Variants in TWF1 observed in about 807,000 individuals in gnomAD.
TWF1 encodes twinfilin-1.
Under a neutral mutation model 47.9 loss-of-function variants are expected in TWF1, and 14 were observed. The ratio of observed to expected loss-of-function variants is 0.29; its 90% CI spans 0.19 to 0.46. The LOEUF (loss-of-function observed/expected upper bound fraction) is 0.46, where lower values mean the gene tolerates loss of function less well. Ranked by LOEUF, TWF1 falls within the 20% of genes least tolerant of loss-of-function variation. TWF1 has a pLI of 1.00. For missense variants in TWF1, 281 were observed against 409.3 expected, an observed-to-expected ratio of 0.69 and a Z score of 2.70; for synonymous variants, 96 against 139.2, an observed-to-expected ratio of 0.69 and a Z score of 2.18.
Position 43,802,273 on chromosome 12 carries a change from A to G in TWF1, c.282+13T>C. The G allele has an allele frequency of 6.7e-7, 1 of 1,498,496 alleles. No individual in the cohort carries two copies. Among genetic ancestry groups the G allele is most frequent in the Non-Finnish European group, 8.9e-7 (1 of 1,126,924 alleles). The allele number at this position is 1,498,496 out of a possible 1,614,324, so 92.8% of individuals were successfully genotyped here. A position where few individuals can be genotyped will look rare whatever the true frequency, so the allele number is the denominator to read the frequency against. On this transcript the variant is annotated intron_variant, in intron 3 of 8. Coordinates refer to ENST00000395510, the MANE Select transcript of TWF1 (RefSeq NM_002822.5). ...GCATTTAATGTTAAACAAACTATAA[A>G]AAAGTTACTTACATGAGAATGATCT...
At chr12:43,798,878 T>C (rs1942606821) in intron 5 of TWF1, among the ~76,000 whole-genome samples, 2 of 152,024 alleles carry the variant, frequency 1.3e-5, no homozygotes, top group Admixed American at 1.3e-4. Context: ...AGAAAACACA[T>C]TAAAAATAAT....
chr12:43,806,144 G>A (rs770640640), intron 1 of TWF1, 77 bp downstream of exon 1: 13 of 1,531,552 alleles, frequency 8.5e-6, no homozygotes, highest in Admixed American at 5.9e-5. Flanking sequence ...CTCCAGCCCT[G>A]CCGGTCCTGC....
intron 8 of TWF1, among the ~76,000 whole-genome samples, chr12:43,796,043 T>C (rs1942543943): frequency 6.6e-6 from 1 of 152,228 alleles, no homozygotes; most frequent in Non-Finnish European, 1.5e-5. Flanking sequence ...TGATACACTA[T>C]TTATTCAAGG....
intron 7 of TWF1, 82 bp downstream of exon 7, chr12:43,797,220 G>A: frequency 6.7e-7 from 1 of 1,484,984 alleles, no homozygotes; most frequent in Non-Finnish European, 9.1e-7. Context: ...AAGCCCTCTG[G>A]GCAAGAAATA....
intron 5 of TWF1, 61 bp from the exon 6 acceptor site, chr12:43,797,894 A>C: frequency 6.5e-7 from 1 of 1,538,038 alleles, no homozygotes; most frequent in South Asian, 1.2e-5. Context: ...GGCAAACATA[A>C]GAAAACCCAA....
rs1295582369 is a variant in TWF1, at chr12:43,806,295, C to T, written c.-50G>A. ...CCGGCGCTGAGTGCAGCCAGCGGCCCCGGCCGGCGGCCCCAGGAAGTGGCT... is the reference window on the plus strand; with the variant it reads ...CCGGCGCTGAGTGCAGCCAGCGGCCTCGGCCGGCGGCCCCAGGAAGTGGCT... On this transcript the variant is annotated 5_prime_UTR_variant, in exon 1 of 9. Coordinates refer to ENST00000395510, the MANE Select transcript of TWF1 (RefSeq NM_002822.5). 2 of 1,440,506 alleles carry T rather than the reference C, an allele frequency of 1.4e-6. No individual in the cohort carries two copies. Among genetic ancestry groups the T allele is most frequent in the Non-Finnish European group, 1.8e-6 (2 of 1,090,928 alleles). 89.2% of individuals were successfully genotyped at this position (1,440,506 alleles called of 1,614,324 possible). A position where few individuals can be genotyped will look rare whatever the true frequency, so the allele number is the denominator to read the frequency against.
At position 43,805,989 on chromosome 12, in the gene TWF1, A is replaced by G. The variant is rs1210282646; in HGVS notation, c.25+232T>C. On this transcript the variant is annotated intron_variant, in intron 1 of 8. Transcript: ENST00000395510. ...AAAGCCAATTTCCTTCGCTCCCCCG[A>G]ATTTCGGATCAATCTGCAACGTGAC... is the stretch of plus-strand genomic sequence containing the variant. 6 of 1,536,938 alleles carry G rather than the reference A, an allele frequency of 3.9e-6. No homozygotes were observed. In the African/African-American group the frequency reaches 6.9e-5, roughly 18 times the overall value.
chr12:43,806,169 TC>T, intron 1 of TWF1, 51 bp downstream of exon 1: 1 of 1,536,680 alleles, frequency 6.5e-7, no homozygotes. Flanking sequence ...CTCCCGGCTC[TC>T]CCGGCTCTCC....
intron 2 of TWF1, chr12:43,804,126 AACTT>A: frequency 2.9e-6 from 1 of 340,434 alleles, no homozygotes; most frequent in South Asian, 2.2e-5. Flanking sequence ...TTTAAAAACA[AACTT>A]AATTGAATAA....
chr12:43,805,763 T>G (rs982129774), intron 1 of TWF1: 1 of 1,340,404 alleles, frequency 7.5e-7, no homozygotes, highest in African/African-American at 1.5e-5. Flanking sequence ...AGAAAGATTC[T>G]GGCATGGTTC....
rs939673256 is a variant in TWF1 at position 43,799,466 on chromosome 12, G to C, written c.415C>G (p.Leu139Val). 4.3e-6 allele frequency: 7 copies of C among 1,609,406 alleles called. No homozygotes were observed. In the South Asian group the frequency reaches 4.4e-5, roughly 10 times the overall value. Residue 139 changes from leucine to valine, a missense_variant, in exon 5 of 9, where the codon CTG becomes GTG. Transcript: ENST00000395510. ...AGTGGGGCAGGGGAAGATTGTGACA[G>C]CAAGTATTTTTTATATCCATGTAAT... is the stretch of plus-strand genomic sequence containing the variant. Reference protein sequence around the residue: ...VSLHGYKKYLLSQSSPAPLTA... With the variant: ...VSLHGYKKYLVSQSSPAPLTA...
At chr12:43,796,329 G>A (rs1384662671) in intron 8 of TWF1, among the ~76,000 whole-genome samples, 1 of 152,132 alleles carries the variant, frequency 6.6e-6, no homozygotes, top group Non-Finnish European at 1.5e-5. Context: ...AACTTAAAAA[G>A]CATGAAGGGT....
At chr12:43,800,907 C>T (rs1373656236) in intron 3 of TWF1, among the ~76,000 whole-genome samples, 1 of 152,082 alleles carries the variant, frequency 6.6e-6, no homozygotes, top group Non-Finnish European at 1.5e-5. Context: ...TGCGCCACCA[C>T]ACTTGGCTAA....
chr12:43,803,386 C>T (rs529820580), intron 2 of TWF1, among the ~76,000 whole-genome samples: 38 of 151,956 alleles, frequency 2.5e-4, no homozygotes, highest in African/African-American at 9.2e-4. Flanking sequence ...TGCTCTTATA[C>T]CAGAAAAACA....
At position 43,795,363 on chromosome 12, in the gene TWF1, A is replaced by T; in HGVS notation, c.*222T>A. The T allele has an allele frequency of 2.1e-6, 1 of 472,616 alleles. No individual in the cohort carries two copies. Among genetic ancestry groups the T allele is most frequent in the East Asian group, 3.3e-5 (1 of 29,970 alleles). The allele number at this position is 472,616 out of a possible 1,614,324, so 29.3% of individuals were successfully genotyped here. A position where few individuals can be genotyped will look rare whatever the true frequency, so the allele number is the denominator to read the frequency against. On this transcript the variant is annotated 3_prime_UTR_variant, in exon 9 of 9. Coordinates refer to ENST00000395510, the MANE Select transcript of TWF1 (RefSeq NM_002822.5). The stretch of plus-strand genomic sequence containing the variant: ...CAACGCTATGAAAACAGTGTGACAA[A>T]ATTAAACATTATGTTGAACCCTTTT...
Position 43,795,483 on chromosome 12 carries a change from A to G in TWF1, c.*102T>C. Reference sequence around the variant, plus strand: ...AAAGTGCTATTTTCCAAAAAGTACAATTTTTTTCCCTACTTTATATCAACA... The same window carrying G: ...AAAGTGCTATTTTCCAAAAAGTACAGTTTTTTTCCCTACTTTATATCAACA... On this transcript the variant is annotated 3_prime_UTR_variant, in exon 9 of 9. Coordinates refer to ENST00000395510, the MANE Select transcript of TWF1 (RefSeq NM_002822.5). 1 of 1,225,886 alleles carries G rather than the reference A, an allele frequency of 8.2e-7. No individual in the cohort carries two copies. The highest frequency in any genetic ancestry group is 1.1e-6 in the Non-Finnish European group (1 of 893,870). 75.9% of individuals were successfully genotyped at this position (1,225,886 alleles called of 1,614,324 possible).
chr12:43,804,831 T>G (rs369323087), intron 1 of TWF1, among the ~76,000 whole-genome samples: 1 of 152,214 alleles, frequency 6.6e-6, no homozygotes, highest in Non-Finnish European at 1.5e-5. Context: ...AACACTGGGG[T>G]GAATATACTG....
intron 5 of TWF1, 144 bp downstream of exon 5, chr12:43,799,254 C>T (rs1942614097): frequency 2.1e-6 from 1 of 476,304 alleles, no homozygotes; most frequent in African/African-American, 2.0e-5. Context: ...GCATTAAGCA[C>T]ATAGCCTTAT....
At chr12:43,799,539 T>C (rs2138138327) in intron 4 of TWF1, 37 bp from the exon 5 acceptor site, 3 of 1,239,612 alleles carry the variant, frequency 2.4e-6, no homozygotes, top group East Asian at 2.6e-5. Flanking sequence ...AGTAATTCTC[T>C]AGAAGTAAAA....
Sources: gnomAD v4.1 joint callset for allele counts (sites outside exome capture counted in the v4.1 genomes callset) on GRCh38, gnomAD v4.1.1 for gene constraint, MANE v1.5 for transcripts, NCBI Gene and HGNC (gene_info 2026-07-23, HGNC 2026-07-21) for gene names.